The following TRIM6 variants were observed in gnomAD, a reference collection of about 807,000 sequenced individuals.
TRIM6 encodes tripartite motif containing 6, also known as tripartite motif-containing protein 6.
A neutral mutation model predicts 51.2 loss-of-function variants in TRIM6; 43 were observed. The observed-to-expected ratio is 0.84, with a 90% CI of 0.66 to 1.08. The LOEUF is 1.08. TRIM6 is among the 50% of genes least tolerant of loss of function. The probability of loss-of-function intolerance (pLI) is 0.00; values close to 1 mark genes in which losing one functional copy is unlikely to be tolerated. For missense variants in TRIM6, 669 were observed against 619.0 expected, an observed-to-expected ratio of 1.08 and a Z score of -0.86; for synonymous variants, 215 against 232.4, an observed-to-expected ratio of 0.93 and a Z score of 0.68.
intron 5 of TRIM6, among the ~76,000 whole-genome samples, chr11:5,609,932 A>T (rs1468587932): frequency 6.6e-6 from 1 of 152,084 alleles, no homozygotes; most frequent in Non-Finnish European, 1.5e-5. Flanking sequence ...CAAAAAAAAA[A>T]GTTAAATCTT....
At chr11:5,610,491 C>G (rs1848507263) in intron 6 of TRIM6, 44 bp from the exon 7 acceptor site, 1 of 1,613,786 alleles carries the variant, frequency 6.2e-7, no homozygotes, top group Non-Finnish European at 8.5e-7. Flanking sequence ...AGACATGAGA[C>G]AGTTGGTCCT....
upstream of TRIM6, chr11:5,596,257 T>C (rs1847436890): frequency 6.5e-6 from 1 of 152,678 alleles, no homozygotes; most frequent in Non-Finnish European, 1.5e-5. Context: ...GCTCTGCAGG[T>C]CGGGTTGGGG....
chr11:5,611,171 T>C lies in TRIM6; in HGVS notation c.1380T>C (p.Arg460=), dbSNP rs1848556598. The change falls in exon 8 of 8, where the codon CGT becomes CGC. Residue 460 remains arginine (R), a synonymous_variant. Transcript: ENST00000380097. The part of the protein sequence containing the change: ...LLLSMTVPPR[R]VGVFLDYEAG... ...TCTCCATGACAGTGCCCCCTCGCCG[T>C]GTTGGGGTTTTCTTAGATTATGAGG... 3 of 1,614,024 alleles carry C rather than the reference T, an allele frequency of 1.9e-6. No individual in the cohort carries two copies. The highest frequency in any genetic ancestry group is 1.3e-5 in the African/African-American group (1 of 74,916).
chr11:5,605,638 A>G, intron 4 of TRIM6, 71 bp downstream of exon 4: 4 of 1,494,102 alleles, frequency 2.7e-6, no homozygotes, highest in Non-Finnish European at 3.6e-6. Context: ...CCTTTCTGGG[A>G]CATCAGACTA....
intron 1 of TRIM6, among the ~76,000 whole-genome samples, chr11:5,602,212 G>T (rs928040808): frequency 2.6e-5 from 4 of 151,856 alleles, no homozygotes; most frequent in African/African-American, 9.7e-5. Flanking sequence ...AGGCCAAGGC[G>T]GGCGGATCAT....
chr11:5,605,523 G>C lies in TRIM6; in HGVS notation c.790G>C (p.Asp264His). The change falls in exon 4 of 8, where the codon GAT becomes CAT. Residue 264 changes from aspartate (D) to histidine (H), a missense_variant. By Grantham distance (81) the Asp-to-His change is moderately conservative. Transcript: ENST00000380097. ...QTQSLRELIS[D>H]LERRCQGSTM... ...CCAGTCGCTGCGAGAGCTCATCTCG[G>C]ATCTGGAGCGTCGATGTCAGGGGTC... The C allele has an allele frequency of 1.2e-6, 2 of 1,614,118 alleles. No individual in the cohort carries two copies. Among genetic ancestry groups the C allele is most frequent in the Non-Finnish European group, 8.5e-7 (1 of 1,180,028 alleles).
intron 6 of TRIM6, 120 bp from the exon 7 acceptor site, chr11:5,610,415 A>G (rs754564696): frequency 6.3e-7 from 1 of 1,591,238 alleles, no homozygotes; most frequent in Non-Finnish European, 8.6e-7. Flanking sequence ...GGGAGATGAA[A>G]TGGCCAGGTG....
intron 6 of TRIM6, 101 bp from the exon 7 acceptor site, chr11:5,610,434 A>AC: frequency 1.2e-6 from 2 of 1,604,404 alleles, no homozygotes; most frequent in Non-Finnish European, 1.7e-6. Flanking sequence ...TGACATCCTC[A>AC]CAGGATTCCT....
Position 5,605,371 on chromosome 11 carries a change from CAG to C in TRIM6, c.641_642del (p.Glu214ValfsTer2). 3 of 1,614,152 alleles carry C rather than the reference CAG, an allele frequency of 1.9e-6. No individual in the cohort carries two copies. Among genetic ancestry groups the C allele is most frequent in the African/African-American group, 1.3e-5 (1 of 75,044 alleles). ...GAGCCTGAGAGATGCAGGATCCAGA[CAG>C]AGTTTAATCAGCTGCGAAATATCCT... On this transcript the variant is annotated frameshift_variant, in exon 4 of 8. Transcript: ENST00000380097. LOFTEE classifies it high-confidence loss of function.
chr11:5,603,407 A>T lies in TRIM6; in HGVS notation c.179A>T (p.His60Leu). ...LTEPLSIDCG[H>L]SFCQACITPN... ...GAACCCCTGAGCATAGACTGTGGCC[A>T]CAGCTTCTGCCAAGCCTGCATCACA... Residue 60 changes from histidine to leucine, a missense_variant, in exon 2 of 8, where the codon CAC becomes CTC. Transcript: ENST00000380097. 6.2e-7 allele frequency: 1 copy of T among 1,613,962 alleles called. No homozygotes were observed. The highest frequency in any genetic ancestry group is 2.2e-5 in the East Asian group (1 of 44,858).
chr11:5,610,681 T>C (rs1188926138), intron 7 of TRIM6, 96 bp from the exon 8 acceptor site: 1 of 1,569,376 alleles, frequency 6.4e-7, no homozygotes. Flanking sequence ...GCCATATAGT[T>C]CCAGTTCCTC....
At chr11:5,610,638 C>T in intron 7 of TRIM6, 77 bp downstream of exon 7, 1 of 1,579,942 alleles carries the variant, frequency 6.3e-7, no homozygotes, top group South Asian at 1.2e-5. Context: ...CATAGCCACA[C>T]AGATCCTAGG....
At chr11:5,606,835 A>G (rs1848239133) in intron 4 of TRIM6, among the ~76,000 whole-genome samples, 1 of 152,170 alleles carries the variant, frequency 6.6e-6, no homozygotes, top group East Asian at 1.9e-4. Flanking sequence ...CTAAAAATAA[A>G]CTTTCTGGAA....
intron 4 of TRIM6, among the ~76,000 whole-genome samples, chr11:5,606,738 G>A (rs1310685993): frequency 1.3e-5 from 2 of 152,108 alleles, no homozygotes; most frequent in Non-Finnish European, 2.9e-5. Flanking sequence ...AAATGCAAAT[G>A]AATCGTCAAT....
chr11:5,603,220 C>CT (rs1168078207), intron 1 of TRIM6, 26 bp from the exon 2 acceptor site: 2 of 1,601,052 alleles, frequency 1.2e-6, no homozygotes, highest in South Asian at 2.2e-5. Flanking sequence ...TACCCTGATC[C>CT]TTTTTTTGTT....
rs752150710 is a variant in TRIM6 at position 5,611,203 on chromosome 11, C to T, written c.1412C>T (p.Thr471Ile). The change falls in exon 8 of 8, where the codon ACT becomes ATT. Residue 471 changes from threonine (T) to isoleucine (I), a missense_variant. Transcript: ENST00000380097. ...VGVFLDYEAG[T>I]VSFYNVTNHG... ...GTTTTCTTAGATTATGAGGCTGGTA[C>T]TGTCTCCTTTTATAATGTCACAAAC... is the stretch of plus-strand genomic sequence containing the variant. 9 of 1,614,144 alleles carry T rather than the reference C, an allele frequency of 5.6e-6. No homozygotes were observed. In the South Asian group the frequency reaches 9.9e-5, roughly 18 times the overall value.
intron 4 of TRIM6, among the ~76,000 whole-genome samples, chr11:5,606,696 C>A (rs1848230825): frequency 1.3e-5 from 2 of 152,072 alleles, no homozygotes; most frequent in Admixed American, 6.6e-5. Flanking sequence ...TGTTCTGGCT[C>A]CTCAACAGTC....
intron 6 of TRIM6, 99 bp from the exon 7 acceptor site, chr11:5,610,435 CA>C: frequency 6.2e-7 from 1 of 1,603,934 alleles, no homozygotes; most frequent in Non-Finnish European, 8.5e-7. Flanking sequence ...GACATCCTCA[CA>C]GGATTCCTCA....
intron 2 of TRIM6, 126 bp downstream of exon 2, chr11:5,603,861 C>T (rs1848030307): frequency 2.1e-6 from 3 of 1,443,806 alleles, no homozygotes; most frequent in Non-Finnish European, 2.7e-6. Context: ...TGGAAACTGC[C>T]TCCCTGATTA....
Sources: gnomAD v4.1 joint callset for allele counts (sites outside exome capture counted in the v4.1 genomes callset) on GRCh38, gnomAD v4.1.1 for gene constraint, MANE v1.5 for transcripts, NCBI Gene and HGNC (gene_info 2026-07-23, HGNC 2026-07-21) for gene names.